CNOT7: variants seen among roughly 807,000 people sequenced by gnomAD.
The protein encoded by CNOT7 is CCR4-NOT transcription complex subunit 7.
A neutral mutation model predicts 37.1 loss-of-function variants in CNOT7; 4 were observed. That is an observed-to-expected ratio of 0.11 (90% confidence interval 0.05 to 0.25). CNOT7 has a LOEUF of 0.25. Among genes scored for constraint, CNOT7 ranks in the 10% least tolerant of loss-of-function variants. The pLI is 1.00. For synonymous variants in CNOT7, 128 were observed against 115.6 expected, an observed-to-expected ratio of 1.11 and a Z score of -0.69; for missense variants, 170 against 336.2, an observed-to-expected ratio of 0.51 and a Z score of 3.87.
intron 3 of CNOT7, among the ~76,000 whole-genome samples, chr8:17,240,667 C>T (rs565705160): frequency 6.6e-6 from 1 of 152,226 alleles, no homozygotes; most frequent in East Asian, 1.9e-4. Flanking sequence ...ACAATAGTAT[C>T]TAATTTAAAA....
At chr8:17,242,420 G>A (rs1810307074) in intron 3 of CNOT7, 1 of 152,124 alleles carries the variant, frequency 6.6e-6, no homozygotes, top group African/African-American at 2.4e-5. Context: ...AAGACCCAGG[G>A]CTTGAGTTAG....
In CNOT7 at chr8:17,229,541, A is replaced by G. The variant is rs1808377982; in HGVS notation, c.*1179T>C. ...CATATTCTGCATGGCTAAGTATTTC[A>G]CAGTCTCTTTTGTCAATATATATAA... On this transcript the variant is annotated 3_prime_UTR_variant, in exon 7 of 7. Transcript: ENST00000361272. 6.6e-6 allele frequency: 1 copy of G among 152,184 alleles called. No homozygotes were observed. The highest frequency in any genetic ancestry group is 1.5e-5 in the Non-Finnish European group (1 of 67,808). The allele number at this position is 152,184 out of a possible 1,614,324, so 9.4% of individuals were successfully genotyped here. A position where few individuals can be genotyped will look rare whatever the true frequency, so the allele number is the denominator to read the frequency against.
chr8:17,232,020 T>C, intron 6 of CNOT7: 1 of 1,027,694 alleles, frequency 9.7e-7, no homozygotes, highest in African/African-American at 1.7e-5. Context: ...AAAGGGGTCA[T>C]GCTAGAATAA....
chr8:17,230,873 A>G (rs1808511766), intron 6 of CNOT7, 25 bp from the exon 7 acceptor site: 2 of 1,533,300 alleles, frequency 1.3e-6, no homozygotes, highest in South Asian at 2.4e-5. Flanking sequence ...TGAAGAAAAA[A>G]AAAAGATAAT....
chr8:17,240,658 C>T (rs1810038704), intron 3 of CNOT7, among the ~76,000 whole-genome samples: 2 of 152,108 alleles, frequency 1.3e-5, no homozygotes, highest in Admixed American at 1.3e-4. Context: ...ACTGAGATCA[C>T]AATAGTATCT....
At chr8:17,239,115 T>C (rs1809791648) in intron 3 of CNOT7, among the ~76,000 whole-genome samples, 1 of 152,228 alleles carries the variant, frequency 6.6e-6, no homozygotes, top group Non-Finnish European at 1.5e-5. Context: ...AGCAGTGGCT[T>C]GAACACGGCT....
Position 17,228,322 on chromosome 8 carries a change from C to G in CNOT7, c.*2398G>C, listed in dbSNP as rs1427610418. 6.6e-6 allele frequency: 1 copy of G among 151,778 alleles called. No homozygotes were observed. Among genetic ancestry groups the G allele is most frequent in the Non-Finnish European group, 1.5e-5 (1 of 67,806 alleles). 9.4% of individuals were successfully genotyped at this position (151,778 alleles called of 1,614,324 possible). ...CAGCCAAATATCTTACATCTGGAAC[C>G]TAGACTTTACAAACATTGAGACTGT... On this transcript the variant is annotated 3_prime_UTR_variant, in exon 7 of 7. Transcript: ENST00000361272.
chr8:17,244,710 A>G, intron 2 of CNOT7: 1 of 214,124 alleles, frequency 4.7e-6, no homozygotes, highest in Non-Finnish European at 9.3e-6. Context: ...TCCCGAACAC[A>G]TCCAATCCAC....
intron 5 of CNOT7, among the ~76,000 whole-genome samples, chr8:17,233,046 T>C (rs1270910430): frequency 1.3e-5 from 2 of 152,174 alleles, no homozygotes; most frequent in Non-Finnish European, 2.9e-5. Context: ...TTAAGACGAG[T>C]ATATGCACAC....
At position 17,228,214 on chromosome 8, in the gene CNOT7, A is replaced by ATAGT. The variant is rs2150962746; in HGVS notation, c.*2502_*2505dup. On this transcript the variant is annotated 3_prime_UTR_variant, in exon 7 of 7. Transcript: ENST00000361272. ...AGCAAGCTGATTCTGGCTACGGGCCATAGTTTGACAACCCTTGCTCTAGTA... is the reference window on the plus strand; with the variant it reads ...AGCAAGCTGATTCTGGCTACGGGCCATAGTTAGTTTGACAACCCTTGCTCTAGTA... 6.6e-6 allele frequency: 1 copy of ATAGT among 152,064 alleles called. No homozygotes were observed. Among genetic ancestry groups the ATAGT allele is most frequent in the African/African-American group, 2.4e-5 (1 of 41,554 alleles). The allele number at this position is 152,064 out of a possible 1,614,324, so 9.4% of individuals were successfully genotyped here. A position where few individuals can be genotyped will look rare whatever the true frequency, so the allele number is the denominator to read the frequency against.
intron 1 of CNOT7, among the ~76,000 whole-genome samples, chr8:17,245,562 T>C (rs769534816): frequency 6.6e-6 from 1 of 152,202 alleles, no homozygotes; most frequent in Non-Finnish European, 1.5e-5. Context: ...TATAAAGCCA[T>C]CCATTTCCAG....
In CNOT7 at chr8:17,228,618, G is replaced by A. The variant is rs150902185; in HGVS notation, c.*2102C>T. 6.6e-6 allele frequency: 1 copy of A among 152,016 alleles called. No homozygotes were observed. The highest frequency in any genetic ancestry group is 1.9e-4 in the East Asian group (1 of 5,182). The allele number at this position is 152,016 out of a possible 1,614,324, so 9.4% of individuals were successfully genotyped here. ...AAGGCGCTCCTAAACTTTTGATGGG[G>A]TTACCTCTCAATACACCCACTGTAA... On this transcript the variant is annotated 3_prime_UTR_variant, in exon 7 of 7. Coordinates refer to ENST00000361272, the MANE Select transcript of CNOT7 (RefSeq NM_013354.7).
Position 17,246,810 on chromosome 8 carries a change from G to A in CNOT7, c.-231C>T, listed in dbSNP as rs894781318. On this transcript the variant is annotated 5_prime_UTR_variant, in exon 1 of 7. Transcript: ENST00000361272. ...ACACCTCTCGCCCAGCGAAGGGAAA[G>A]GCGAGCAGGAGCTGCGCCGCACCGT... The A allele has an allele frequency of 1.9e-5, 4 of 210,400 alleles. No homozygotes were observed. The highest frequency in any genetic ancestry group is 7.2e-5 in the African/African-American group (3 of 41,886). 13.0% of individuals were successfully genotyped at this position (210,400 alleles called of 1,614,324 possible). A position where few individuals can be genotyped will look rare whatever the true frequency, so the allele number is the denominator to read the frequency against.
At chr8:17,238,865 T>TAA (rs1236982493) in intron 3 of CNOT7, among the ~76,000 whole-genome samples, 1 of 152,204 alleles carries the variant, frequency 6.6e-6, no homozygotes, top group Non-Finnish European at 1.5e-5. Context: ...CTTTCTTACT[T>TAA]AGACTACAAA....
intron 6 of CNOT7, chr8:17,231,622 C>G (rs764910347): frequency 1.0e-6 from 1 of 985,314 alleles, no homozygotes; most frequent in Non-Finnish European, 1.2e-6. Context: ...AAATCCACAG[C>G]GAATTTTTCC....
At chr8:17,243,351 A>G (rs1307043578) in intron 2 of CNOT7, 166 bp from the exon 3 acceptor site, 2 of 641,698 alleles carry the variant, frequency 3.1e-6, no homozygotes, top group Non-Finnish European at 5.5e-6. Flanking sequence ...TTTTAGAACC[A>G]TAAAACTCTA....
chr8:17,243,053 C>G lies in CNOT7; in HGVS notation c.250G>C (p.Glu84Gln). 1.9e-6 allele frequency: 3 copies of G among 1,608,580 alleles called. No homozygotes were observed. In the South Asian group the frequency reaches 3.3e-5, roughly 18 times the overall value. Residue 84 changes from glutamate to glutamine, a missense_variant, in exon 3 of 7, where the codon GAG becomes CAG. Physicochemically the swap from Glu to Gln is conservative, Grantham distance 29. Around this residue, in one of 6 missense-constraint regions of CNOT7, gnomAD observed 20 missense variants for 18.5 expected, o/e 1.08. Transcript: ENST00000361272. The part of the protein sequence containing the change: ...IIQLGLTFMN[E>Q]QGEYPPGTST... ...GTTCCTGGAGGGTATTCTCCTTGCTCATTCATAAATGTCAGTCCTAGCTGA... is the reference window on the plus strand; with the variant it reads ...GTTCCTGGAGGGTATTCTCCTTGCTGATTCATAAATGTCAGTCCTAGCTGA...
intron 3 of CNOT7, among the ~76,000 whole-genome samples, chr8:17,239,078 G>A (rs1809786200): frequency 6.6e-6 from 1 of 152,130 alleles, no homozygotes; most frequent in Admixed American, 6.5e-5. Flanking sequence ...TTCCCTTCTT[G>A]AGACAGGGTC....
At chr8:17,245,287 A>T in intron 1 of CNOT7, 40 bp from the exon 2 acceptor site, 2 of 871,512 alleles carry the variant, frequency 2.3e-6, no homozygotes, top group Non-Finnish European at 3.2e-6. Flanking sequence ...CAGATATATC[A>T]AATCTGAATC....
Sources: gnomAD v4.1 joint callset for allele counts (sites outside exome capture counted in the v4.1 genomes callset) on GRCh38, gnomAD v4.1.1 for gene constraint, gnomAD v4.1.1 regional missense constraint, MANE v1.5 for transcripts, NCBI Gene and HGNC (gene_info 2026-07-23, HGNC 2026-07-21) for gene names.